ITGA5: variants seen among roughly 807,000 people sequenced by gnomAD.
ITGA5 encodes the protein integrin subunit alpha 5.
A neutral mutation model predicts 146.3 loss-of-function variants in ITGA5; 55 were observed. That is an observed-to-expected ratio of 0.38 (90% CI 0.30 to 0.47). ITGA5 has a LOEUF of 0.47. ITGA5 is among the 20% of genes least tolerant of loss of function. The pLI, the probability that ITGA5 is intolerant of heterozygous loss-of-function variation, is 0.99. For synonymous variants in ITGA5, 500 were observed against 531.8 expected (o/e 0.94, Z 0.82); for missense variants, 1,131 against 1,329.0 (o/e 0.85, Z 2.32).
rs1256852569 is a variant in ITGA5, at chr12:54,402,055, G to A, written c.2172C>T (p.Asn724=). The stretch of plus-strand genomic sequence containing the variant: ...GGTCACACACCAGCAGGCGGCTCTG[G>A]TTCACGGCAAAGTAGTCACAGCTCA... ...SSLSCDYFAV[N]QSRLLVCDLG... The change falls in exon 21 of 30, where the codon AAC becomes AAT. Residue 724 remains asparagine, a synonymous_variant. Transcript: ENST00000293379. 6.2e-7 allele frequency: 1 copy of A among 1,614,158 alleles called. No homozygotes were observed. Among genetic ancestry groups the A allele is most frequent in the African/African-American group, 1.3e-5 (1 of 75,026 alleles).
In ITGA5 at chr12:54,403,097, G is replaced by A. The variant is rs762119632; in HGVS notation, c.1915-47C>T. ...AGAGGGGAAGTTTAGACCCATTCCT[G>A]GGCTGTAGGCTCTTCTCTTTCCATG... On this transcript the variant is annotated intron_variant, in intron 18 of 29. Coordinates refer to ENST00000293379, the MANE Select transcript of ITGA5 (RefSeq NM_002205.5). The surrounding 1 kb of genome is among the most constrained non-coding windows in gnomAD (Gnocchi z 4.9). The A allele has an allele frequency of 1.9e-6, 3 of 1,611,732 alleles. No individual in the cohort carries two copies. Among genetic ancestry groups the A allele is most frequent in the African/African-American group, 2.7e-5 (2 of 74,842 alleles).
chr12:54,406,469 T>A (rs1287915757), intron 9 of ITGA5, among the ~76,000 whole-genome samples: 1 of 152,136 alleles, frequency 6.6e-6, no homozygotes, highest in Non-Finnish European at 1.5e-5. Context: ...TGGACAGATG[T>A]CTTGACAATG....
Position 54,403,100 on chromosome 12 carries a change from C to G in ITGA5, c.1915-50G>C. Reference sequence around the variant, plus strand: ...GGGGAAGTTTAGACCCATTCCTGGGCTGTAGGCTCTTCTCTTTCCATGGCC... The same window carrying G: ...GGGGAAGTTTAGACCCATTCCTGGGGTGTAGGCTCTTCTCTTTCCATGGCC... On this transcript the variant is annotated intron_variant, in intron 18 of 29. Coordinates refer to ENST00000293379, the MANE Select transcript of ITGA5 (RefSeq NM_002205.5). The surrounding 1 kb of genome is among the most constrained non-coding windows in gnomAD (Gnocchi z 4.9). 2 of 1,609,748 alleles carry G rather than the reference C, an allele frequency of 1.2e-6. No individual in the cohort carries two copies. The highest frequency in any genetic ancestry group is 1.7e-6 in the Non-Finnish European group (2 of 1,177,672).
Position 54,411,925 on chromosome 12 carries a change from G to A in ITGA5, c.258C>T (p.Ser86=). Reference sequence around the variant, plus strand: ...CACCACCCTGCAGCACTCCTGGCTGGCTGGTATTAGCCTTGGGTGCTCCCA... The same window carrying A: ...CACCACCCTGCAGCACTCCTGGCTGACTGGTATTAGCCTTGGGTGCTCCCA... ...VLVGAPKANT[S]QPGVLQGGAV... Residue 86 remains serine, a synonymous_variant, in exon 2 of 30, where the codon AGC becomes AGT. Transcript: ENST00000293379. 6.2e-7 allele frequency: 1 copy of A among 1,605,026 alleles called. No homozygotes were observed. The highest frequency in any genetic ancestry group is 8.5e-7 in the Non-Finnish European group (1 of 1,175,398).
In ITGA5 at chr12:54,407,885, C is replaced by T. The variant is rs1027823392; in HGVS notation, c.818-9G>A. 9 of 1,573,236 alleles carry T rather than the reference C, an allele frequency of 5.7e-6. No homozygotes were observed. The highest frequency in any genetic ancestry group is 1.3e-5 in the African/African-American group (1 of 74,232). The stretch of plus-strand genomic sequence containing the variant: ...AACAGCCACAGAGTATCCTGGGGGA[C>T]AGGGTGGGTGGATGTTAGGATTCCT... On this transcript the variant is annotated splice_polypyrimidine_tract_variant and intron_variant, in intron 7 of 29. Transcript: ENST00000293379.
chr12:54,419,043 G>C lies in ITGA5; in HGVS notation c.156C>G (p.Leu52=). 1.9e-6 allele frequency: 3 copies of C among 1,594,344 alleles called. No individual in the cohort carries two copies. Among genetic ancestry groups the C allele is most frequent in the Non-Finnish European group, 2.6e-6 (3 of 1,172,660 alleles). The change falls in exon 1 of 30, where the codon CTC becomes CTG. Residue 52 remains leucine, a synonymous_variant. Transcript: ENST00000293379. ...FNLDAEAPAV[L]SGPPGSFFGF... ...CGAAGAAGGAGCCCGGGGGCCCCGA[G>C]AGTACTGCTGGGGCCTCCGCGTCTA...
Position 54,404,151 on chromosome 12 carries a change from A to G in ITGA5, c.1559T>C (p.Val520Ala). ...ERSCSLEGNP[V>A]ACINLSFCLN... ...TTCCTGGGCACCAGCTCACCAGGCCACAGGGTTCCCCTCTAAGCTGCAGCT... is the reference window on the plus strand; with the variant it reads ...TTCCTGGGCACCAGCTCACCAGGCCGCAGGGTTCCCCTCTAAGCTGCAGCT... The change falls in exon 15 of 30, where the codon GTG becomes GCG. Residue 520 changes from valine (V) to alanine (A), a missense_variant. Val to Ala is a moderately conservative substitution (Grantham distance 64, BLOSUM62 0). Transcript: ENST00000293379. 1.3e-6 allele frequency: 2 copies of G among 1,583,808 alleles called. No individual in the cohort carries two copies. The highest frequency in any genetic ancestry group is 1.7e-6 in the Non-Finnish European group (2 of 1,164,922).
At chr12:54,415,409 G>T (rs1009456606) in intron 1 of ITGA5, among the ~76,000 whole-genome samples, 25 of 152,190 alleles carry the variant, frequency 1.6e-4, no homozygotes, top group African/African-American at 6.0e-4. Context: ...AGGCAGACTG[G>T]CCTCGTTCTG....
At position 54,399,889 on chromosome 12, in the gene ITGA5, G is replaced by A. The variant is rs200896534; in HGVS notation, c.2702C>T (p.Ser901Phe). ...QQKREAPSRS[S>F]ASSGPQILKC... ...CAGGATCTGAGGTCCCGAGGAAGCA[G>A]AGCTGCGGCTTGGAGCTTCCCGTTT... The change falls in exon 26 of 30, where the codon TCT (serine) becomes TTT (phenylalanine). Residue 901 changes from serine (S) to phenylalanine (F), a missense_variant. Coordinates refer to ENST00000293379, the MANE Select transcript of ITGA5 (RefSeq NM_002205.5). 3.6e-4 allele frequency: 573 copies of A among 1,614,056 alleles called. No individual in the cohort carries two copies. The highest frequency in any genetic ancestry group is 4.5e-4 in the Non-Finnish European group (535 of 1,180,002).
chr12:54,399,567 A>C, intron 27 of ITGA5, 78 bp downstream of exon 27: 2 of 944,062 alleles, frequency 2.1e-6, no homozygotes, highest in South Asian at 1.3e-5. Context: ...AGAGGTGGCT[A>C]CTGCAGTGGA....
rs750027552 is a variant in ITGA5 at position 54,399,682 on chromosome 12, T to C, written c.2804A>G (p.Gln935Arg). 6.2e-6 allele frequency: 10 copies of C among 1,614,186 alleles called. No homozygotes were observed. The highest frequency in any genetic ancestry group is 8.5e-6 in the Non-Finnish European group (10 of 1,179,998). Residue 935 changes from glutamine to arginine, a missense_variant, in exon 27 of 30, where the codon CAG (glutamine) becomes CGG (arginine). Gln to Arg is a conservative substitution (Grantham distance 43). Coordinates refer to ENST00000293379, the MANE Select transcript of ITGA5 (RefSeq NM_002205.5). ...CTTGGCCCAGACTCGGAAATGCAAC[T>C]GCAGACTTTGGCTCTCTTGTTGGTG... is the stretch of plus-strand genomic sequence containing the variant. The part of the protein sequence containing the change: ...PLHQQESQSL[Q>R]LHFRVWAKTF...
At chr12:54,400,046 A>C (rs191523442) in intron 25 of ITGA5, 99 bp from the exon 26 acceptor site, 1 of 809,746 alleles carries the variant, frequency 1.2e-6, no homozygotes, top group South Asian at 1.4e-5. Flanking sequence ...TCTTTCATCT[A>C]TCTCTTTATT....
At chr12:54,405,532 G>C in intron 11 of ITGA5, 132 bp downstream of exon 11, 1 of 1,030,960 alleles carries the variant, frequency 9.7e-7, no homozygotes, top group South Asian at 1.5e-5. Flanking sequence ...CCTGAGCAAG[G>C]GGAATGCAGG....
Position 54,405,285 on chromosome 12 carries a change from A to G in ITGA5, c.1106T>C (p.Leu369Pro). ...GGGCTCTATGCCGGCTGGGTGCTGC[A>G]GGTAGACGTAGACCCTGCCCACCTC... ...PQEVGRVYVYLQHPAGIEPTP... is the reference protein window; with the variant it reads ...PQEVGRVYVYPQHPAGIEPTP... The change falls in exon 12 of 30, where the codon CTG (leucine) becomes CCG (proline). Residue 369 changes from leucine (L) to proline (P), a missense_variant. Transcript: ENST00000293379. 6.2e-7 allele frequency: 1 copy of G among 1,613,800 alleles called. No individual in the cohort carries two copies. Among genetic ancestry groups the G allele is most frequent in the Non-Finnish European group, 8.5e-7 (1 of 1,179,934 alleles).
At chr12:54,404,321 C>G in intron 14 of ITGA5, 75 bp from the exon 15 acceptor site, 1 of 1,564,204 alleles carries the variant, frequency 6.4e-7, no homozygotes, top group East Asian at 2.2e-5. Context: ...GATGCCCAAG[C>G]GCCAGAATGT....
At chr12:54,400,759 T>TGCAG in intron 25 of ITGA5, 87 bp downstream of exon 25, 1 of 1,371,498 alleles carries the variant, frequency 7.3e-7, no homozygotes, top group Admixed American at 2.0e-5. Context: ...CATTGCCTCT[T>TGCAG]GCAGGCCCCC....
At chr12:54,410,832 T>G (rs1955935405) in intron 2 of ITGA5, among the ~76,000 whole-genome samples, 1 of 152,102 alleles carries the variant, frequency 6.6e-6, no homozygotes, top group Non-Finnish European at 1.5e-5. Context: ...GTTCAAGCAA[T>G]TCTTGTGCCT....
At chr12:54,415,343 A>G (rs1287511291) in intron 1 of ITGA5, among the ~76,000 whole-genome samples, 2 of 152,186 alleles carry the variant, frequency 1.3e-5, no homozygotes, top group Non-Finnish European at 2.9e-5. Context: ...GGCACTGTAG[A>G]GAGCATCCAC....
In ITGA5 at chr12:54,402,026, C is replaced by T; in HGVS notation, c.2201G>A (p.Gly734Asp). The change falls in exon 21 of 30, where the codon GGC (glycine) becomes GAC (aspartate). Residue 734 changes from glycine to aspartate, a missense_variant. Physicochemically the swap from Gly to Asp is moderately conservative, Grantham distance 94. Coordinates refer to ENST00000293379, the MANE Select transcript of ITGA5 (RefSeq NM_002205.5). ...ACTGGCTCCTGCCTTCATGGGGTTGCCCAGGTCACACACCAGCAGGCGGCT... is the reference window on the plus strand; with the variant it reads ...ACTGGCTCCTGCCTTCATGGGGTTGTCCAGGTCACACACCAGCAGGCGGCT... ...NQSRLLVCDL[G>D]NPMKAGASLW... The T allele has an allele frequency of 6.2e-7, 1 of 1,614,216 alleles. No homozygotes were observed. Among genetic ancestry groups the T allele is most frequent in the African/African-American group, 1.3e-5 (1 of 75,060 alleles).
Sources: gnomAD v4.1 joint callset for allele counts (sites outside exome capture counted in the v4.1 genomes callset) on GRCh38, gnomAD v4.1.1 for gene constraint, Gnocchi (gnomAD v3.1) non-coding constraint, MANE v1.5 for transcripts, NCBI Gene and HGNC (gene_info 2026-07-23, HGNC 2026-07-21) for gene names.